The following NCAPH variants were observed in gnomAD, a reference collection of about 807,000 sequenced individuals.
NCAPH encodes the protein non-SMC condensin I complex subunit H, also known as condensin complex subunit 2.
A neutral mutation model predicts 85.5 loss-of-function variants in NCAPH; 38 were observed. That is an observed-to-expected ratio of 0.44 (90% CI 0.34 to 0.58). The LOEUF (loss-of-function observed/expected upper bound fraction) is 0.58. Among genes scored for constraint, NCAPH ranks in the 20% least tolerant of loss-of-function variants. The pLI is 0.01. For missense variants in NCAPH, 789 were observed against 916.6 expected, an observed-to-expected ratio of 0.86 and a Z score of 1.80; for synonymous variants, 301 against 335.1, an observed-to-expected ratio of 0.90 and a Z score of 1.11.
In NCAPH at chr2:96,375,265, C is replaced by T. The variant is rs1015688295; in HGVS notation, c.*1914C>T. ...CCAACTTCTACAATGAAATCCCCTT[C>T]CCCCCACAACCCTGCTTCTCCTAAG... On this transcript the variant is annotated 3_prime_UTR_variant, in exon 18 of 18. Transcript: ENST00000240423. Among the ~76,000 whole-genome samples the T allele has an allele frequency of 1.3e-5, 2 of 151,844 alleles. No individual in the cohort carries two copies. The highest frequency in any genetic ancestry group is 2.9e-5 in the Non-Finnish European group (2 of 67,972).
In NCAPH at chr2:96,376,507, C is replaced by T. The variant is rs1049047399; in HGVS notation, c.*3156C>T. ...CCAGACCACCCTACAGTGTATGATC[C>T]CCCTGGGGAGCAAAAGGCTGCAGGT... On this transcript the variant is annotated 3_prime_UTR_variant, in exon 18 of 18. Coordinates refer to ENST00000240423, the MANE Select transcript of NCAPH (RefSeq NM_015341.5). Among the ~76,000 whole-genome samples the T allele has an allele frequency of 2.0e-5, 3 of 152,254 alleles. No homozygotes were observed. Among genetic ancestry groups the T allele is most frequent in the South Asian group, 2.1e-4 (1 of 4,818 alleles).
At chr2:96,338,520 G>T (rs1290957582) in intron 1 of NCAPH, among the ~76,000 whole-genome samples, 1 of 152,324 alleles carries the variant, frequency 6.6e-6, no homozygotes, top group Middle Eastern at 3.4e-3. Flanking sequence ...TGGTGAAAGA[G>T]ACTTTGCTCA....
chr2:96,357,103 G>C (rs1285675241), intron 9 of NCAPH, among the ~76,000 whole-genome samples: 1 of 152,206 alleles, frequency 6.6e-6, no homozygotes, highest in Non-Finnish European at 1.5e-5. Context: ...CTAGTCGGAG[G>C]TCAAAGCCCA....
At chr2:96,366,321 G>T (rs2064698924) in intron 14 of NCAPH, among the ~76,000 whole-genome samples, 1 of 152,186 alleles carries the variant, frequency 6.6e-6, no homozygotes, top group Non-Finnish European at 1.5e-5. Context: ...AAGGCTGCAG[G>T]CAGAGAATAT....
intron 4 of NCAPH, 110 bp from the exon 5 acceptor site, chr2:96,343,056 T>C: frequency 6.9e-7 from 1 of 1,442,422 alleles, no homozygotes; most frequent in Non-Finnish European, 9.4e-7. Context: ...GGGATCTTTG[T>C]CATTGCTTCC....
intron 1 of NCAPH, among the ~76,000 whole-genome samples, chr2:96,336,095 T>A (rs1558785775): frequency 6.6e-6 from 1 of 151,890 alleles, no homozygotes; most frequent in Non-Finnish European, 1.5e-5. Flanking sequence ...GGGCCCTGCC[T>A]CACACTCCTC....
rs527966134 is a variant in NCAPH, at chr2:96,374,312, G to A, written c.*961G>A. Among the ~76,000 whole-genome samples, 10 of 152,224 alleles carry A rather than the reference G, an allele frequency of 6.6e-5. No homozygotes were observed. Among genetic ancestry groups the A allele is most frequent in the Non-Finnish European group, 1.3e-4 (9 of 68,034 alleles). On this transcript the variant is annotated 3_prime_UTR_variant, in exon 18 of 18. Coordinates refer to ENST00000240423, the MANE Select transcript of NCAPH (RefSeq NM_015341.5). Reference sequence around the variant, plus strand: ...TCATACAGGCTCAGCAGTGGGTGGAGAGCAGTGCTCAGATTTGTCCATCTC... The same window carrying A: ...TCATACAGGCTCAGCAGTGGGTGGAAAGCAGTGCTCAGATTTGTCCATCTC...
At chr2:96,344,005 CAT>C (rs2064330531) in intron 5 of NCAPH, 98 bp from the exon 6 acceptor site, 1 of 1,458,546 alleles carries the variant, frequency 6.9e-7, no homozygotes, top group Non-Finnish European at 9.2e-7. Flanking sequence ...CCTGGCCTCA[CAT>C]GTTTAAATTA....
rs1217929005 is a variant in NCAPH, at chr2:96,375,769, C to G, written c.*2418C>G. Among the ~76,000 whole-genome samples, 4 of 152,164 alleles carry G rather than the reference C, an allele frequency of 2.6e-5. No homozygotes were observed. The highest frequency in any genetic ancestry group is 9.7e-5 in the African/African-American group (4 of 41,446). ...AAATTATGAGAGACCGGGGATCCTT[C>G]CAGCTCATCCTTCTGTTTCAGTGTG... On this transcript the variant is annotated 3_prime_UTR_variant, in exon 18 of 18. Transcript: ENST00000240423.
chr2:96,351,874 G>A lies in NCAPH; in HGVS notation c.764G>A (p.Cys255Tyr). 1.2e-6 allele frequency: 2 copies of A among 1,613,892 alleles called. No homozygotes were observed. Residue 255 changes from cysteine to tyrosine, a missense_variant, in exon 7 of 18, where the codon TGC becomes TAC. By Grantham distance (194) the Cys-to-Tyr change is radical. Coordinates refer to ENST00000240423, the MANE Select transcript of NCAPH (RefSeq NM_015341.5). ...AAGACAGCAGCCTCATTTGATGAGT[G>A]CAGCACAGCAGGGGTGTTTCTGTCC... is the stretch of plus-strand genomic sequence containing the variant. ...FQKTAASFDE[C>Y]STAGVFLSTL...
intron 9 of NCAPH, among the ~76,000 whole-genome samples, chr2:96,355,085 T>G (rs2064505654): frequency 6.6e-6 from 1 of 151,950 alleles, no homozygotes; most frequent in Admixed American, 6.5e-5. Context: ...TTGAGAATAT[T>G]TGGAGGAGAA....
In NCAPH at chr2:96,373,565, C is replaced by T; in HGVS notation, c.*214C>T. On this transcript the variant is annotated 3_prime_UTR_variant, in exon 18 of 18. Coordinates refer to ENST00000240423, the MANE Select transcript of NCAPH (RefSeq NM_015341.5). ...GCTCAACTGATTAAACTTTACTGCCCTATGGTGACCATCTAGGAGAGGGGA... is the reference window on the plus strand; with the variant it reads ...GCTCAACTGATTAAACTTTACTGCCTTATGGTGACCATCTAGGAGAGGGGA... 2 of 505,968 alleles carry T rather than the reference C, an allele frequency of 4.0e-6. No individual in the cohort carries two copies. The highest frequency in any genetic ancestry group is 3.5e-6 in the Non-Finnish European group (1 of 282,162). The allele number at this position is 505,968 out of a possible 1,614,324, so 31.3% of individuals were successfully genotyped here. A position where few individuals can be genotyped will look rare whatever the true frequency, so the allele number is the denominator to read the frequency against.
intron 15 of NCAPH, 103 bp downstream of exon 15, chr2:96,367,476 G>A: frequency 1.3e-6 from 1 of 763,114 alleles, no homozygotes; most frequent in Non-Finnish European, 2.2e-6. Flanking sequence ...CTCCAATACA[G>A]AAATGTTCGT....
At chr2:96,344,299 T>C in intron 6 of NCAPH, 70 bp downstream of exon 6, 3 of 1,510,308 alleles carry the variant, frequency 2.0e-6, no homozygotes, top group Non-Finnish European at 2.6e-6. Flanking sequence ...TTGGCAGGGC[T>C]AAGGCTGCCT....
Position 96,367,261 on chromosome 2 carries a change from A to G in NCAPH, c.1886A>G (p.Asn629Ser). Residue 629 changes from asparagine (N) to serine (S), a missense_variant, in exon 15 of 18, where the codon AAT becomes AGT. Coordinates refer to ENST00000240423, the MANE Select transcript of NCAPH (RefSeq NM_015341.5). ...TTTGTCATATACCTATTTCAGGTAA[A>G]TAAAATTGAAATTCACTATGCCAAG... Reference protein sequence around the residue: ...SNLVAEPQKVNKIEIHYAKTA... With the variant: ...SNLVAEPQKVSKIEIHYAKTA... 1 of 1,607,022 alleles carries G rather than the reference A, an allele frequency of 6.2e-7. No individual in the cohort carries two copies.
chr2:96,340,383 CTTTTTTTTTT>C (rs908160989), intron 1 of NCAPH, among the ~76,000 whole-genome samples: 2 of 91,240 alleles, frequency 2.2e-5, no homozygotes, highest in Non-Finnish European at 4.2e-5. Context: ...TAATAAGCAT[CTTTTTTTTTT>C]TTTTTTTTTT....
chr2:96,347,874 C>T (rs1414629684), intron 6 of NCAPH, among the ~76,000 whole-genome samples: 2 of 151,876 alleles, frequency 1.3e-5, no homozygotes, highest in East Asian at 1.9e-4. Flanking sequence ...TTGCTGTGCA[C>T]GGGCAGGGAG....
In NCAPH at chr2:96,369,438, A is replaced by G. The variant is rs2064743405; in HGVS notation, c.2104A>G (p.Met702Val). 1 of 1,614,008 alleles carries G rather than the reference A, an allele frequency of 6.2e-7. No homozygotes were observed. The highest frequency in any genetic ancestry group is 8.5e-7 in the Non-Finnish European group (1 of 1,179,992). The change falls in exon 17 of 18, where the codon ATG becomes GTG. Residue 702 changes from methionine (M) to valine (V), a missense_variant. Physicochemically the swap from Met to Val is conservative, Grantham distance 21 (BLOSUM62 1). Transcript: ENST00000240423. ...KDLQRSLPPV[M>V]AQNLSIPLAF... ...CTTTCTTTCCAGCCTGCCCCCTGTC[A>G]TGGCTCAGAACCTCTCCATACCTCT... is the stretch of plus-strand genomic sequence containing the variant.
In NCAPH at chr2:96,375,220, A is replaced by G. The variant is rs1309414925; in HGVS notation, c.*1869A>G. Among the ~76,000 whole-genome samples the G allele has an allele frequency of 5.3e-5, 8 of 152,176 alleles. No homozygotes were observed. In the East Asian group the frequency reaches 1.4e-3, roughly 26 times the overall value. ...GAGATCCTATCTCTTAAACAAAAAA[A>G]AAAACTGGCGAGTTCAATACCAACT... is the stretch of plus-strand genomic sequence containing the variant. On this transcript the variant is annotated 3_prime_UTR_variant, in exon 18 of 18. Transcript: ENST00000240423.
Sources: gnomAD v4.1 joint callset for allele counts (sites outside exome capture counted in the v4.1 genomes callset) on GRCh38, gnomAD v4.1.1 for gene constraint, MANE v1.5 for transcripts, NCBI Gene and HGNC (gene_info 2026-07-23, HGNC 2026-07-21) for gene names.